DOCK4: variants seen among roughly 807,000 people sequenced by gnomAD.
DOCK4 encodes the protein dedicator of cytokinesis 4.
Under a neutral mutation model 268.1 loss-of-function variants are expected in DOCK4, and 97 were observed. The observed-to-expected ratio is 0.36, with a 90% CI of 0.31 to 0.43. The LOEUF is 0.43. Ranked by LOEUF, DOCK4 falls within the 20% of genes least tolerant of loss-of-function variation. The pLI is 1.00. For synonymous variants in DOCK4, 954 were observed against 887.2 expected (o/e 1.08, Z -1.34); for missense variants, 2,145 against 2,455.7 (o/e 0.87, Z 2.67).
At chr7:112,127,271 G>GA (rs748134763) in intron 1 of DOCK4, among the ~76,000 whole-genome samples, 67 of 151,924 alleles carry the variant, frequency 4.4e-4, no homozygotes, top group Non-Finnish European at 8.1e-4. Context: ...GGACATGGAT[G>GA]AAACTGGAAA....
intron 26 of DOCK4, 57 bp downstream of exon 26, chr7:111,834,531 A>G: frequency 7.6e-7 from 1 of 1,322,056 alleles, no homozygotes; most frequent in Non-Finnish European, 1.0e-6. Flanking sequence ...AGTGATGAAT[A>G]AAAACAAGAT....
At position 111,765,234 on chromosome 7, in the gene DOCK4, A is replaced by G; in HGVS notation, c.3916-12T>C. The G allele has an allele frequency of 2.8e-6, 4 of 1,443,812 alleles. No homozygotes were observed. Among genetic ancestry groups the G allele is most frequent in the Non-Finnish European group, 3.8e-6 (4 of 1,063,742 alleles). 89.4% of individuals were successfully genotyped at this position (1,443,812 alleles called of 1,614,324 possible). ...GAGGCTTCCATCATCTAGAAAGCAC[A>G]GGAAACATTCTAAGCATTTTATCTC... On this transcript the variant is annotated splice_polypyrimidine_tract_variant and intron_variant, in intron 38 of 52. Coordinates refer to ENST00000428084, the MANE Select transcript of DOCK4 (RefSeq NM_001363540.2).
rs780920369 is a variant in DOCK4 at position 111,728,437 on chromosome 7, G to C, written c.5765C>G (p.Pro1922Arg). 1.9e-6 allele frequency: 3 copies of C among 1,594,190 alleles called. No homozygotes were observed. The highest frequency in any genetic ancestry group is 2.6e-6 in the Non-Finnish European group (3 of 1,168,890). ...GGAGAGGCTGTGAGGTAGCGGGACG[G>C]GGCGCCGCAGAGTCCGCTCGTAGAC... ...YSVYERTLRR[P>R]VPLPHSLSIP... The change falls in exon 53 of 53, where the codon CCC becomes CGC. Residue 1922 changes from proline (P) to arginine (R), a missense_variant. Physicochemically the swap from Pro to Arg is moderately radical, Grantham distance 103. This residue lies in a region of DOCK4 where 547 missense variants were observed against 469.0 expected (regional missense o/e 1.17). Coordinates refer to ENST00000428084, the MANE Select transcript of DOCK4 (RefSeq NM_001363540.2).
At chr7:112,186,045 C>T (rs1376397612) in intron 1 of DOCK4, among the ~76,000 whole-genome samples, 1 of 152,320 alleles carries the variant, frequency 6.6e-6, no homozygotes, top group Non-Finnish European at 1.5e-5. Flanking sequence ...GAGTGCTGGG[C>T]TAGGCCAGGG....
At position 112,202,388 on chromosome 7, in the gene DOCK4, A is replaced by G. The variant is rs567132050; in HGVS notation, c.37+3714T>C. Among the ~76,000 whole-genome samples the G allele has an allele frequency of 3.9e-4, 59 of 152,312 alleles. No homozygotes were observed. The Middle Eastern group carries it at 0.014, about 35-fold the overall frequency. ...TGTTTTTATACAGCCATTCTAACAG[A>G]TGGGAGGTGATATCCACAGAATGGA... On this transcript the variant is annotated intron_variant, in intron 1 of 52. Transcript: ENST00000428084.
intron 8 of DOCK4, among the ~76,000 whole-genome samples, chr7:111,952,801 G>GGTCAT (rs1346646230): frequency 6.6e-6 from 1 of 151,938 alleles, no homozygotes; most frequent in Non-Finnish European, 1.5e-5. Context: ...ACATTTAGAC[G>GGTCAT]GTCATGTTCT....
At chr7:111,741,473 G>A (rs1055241415) in intron 46 of DOCK4, 67 bp downstream of exon 46, 8 of 1,576,084 alleles carry the variant, frequency 5.1e-6, no homozygotes, top group Non-Finnish European at 6.0e-6. Flanking sequence ...CATAAAGAAT[G>A]AGAGAACCAT....
chr7:111,774,103 T>C (rs1473549438), intron 36 of DOCK4, among the ~76,000 whole-genome samples: 2 of 152,124 alleles, frequency 1.3e-5, no homozygotes, highest in Non-Finnish European at 2.9e-5. Flanking sequence ...CATGCATGCA[T>C]GTACATACAC....
At chr7:111,977,891 C>CA (rs775152540) in intron 7 of DOCK4, among the ~76,000 whole-genome samples, 41 of 152,302 alleles carry the variant, frequency 2.7e-4, no homozygotes, top group Admixed American at 5.9e-4. Context: ...GTGTCTAAAG[C>CA]TAAGAATAGC....
chr7:112,186,191 G>A (rs1335823934), intron 1 of DOCK4, among the ~76,000 whole-genome samples: 1 of 152,244 alleles, frequency 6.6e-6, no homozygotes, highest in African/African-American at 2.4e-5. Flanking sequence ...TCCCAGTGGG[G>A]TTGCTTGGTT....
chr7:111,971,942 C>T (rs753815140), intron 8 of DOCK4: 17 of 167,544 alleles, frequency 1.0e-4, no homozygotes, highest in Admixed American at 2.4e-4. Context: ...TCTTGGCCTC[C>T]TGCTTTTTCA....
At chr7:112,069,580 A>T (rs1190702760) in intron 1 of DOCK4, among the ~76,000 whole-genome samples, 1 of 152,174 alleles carries the variant, frequency 6.6e-6, no homozygotes, top group Non-Finnish European at 1.5e-5. Context: ...ACTTAATGAA[A>T]TAACACATAT....
intron 12 of DOCK4, among the ~76,000 whole-genome samples, chr7:111,927,377 C>T (rs1181037847): frequency 1.3e-5 from 2 of 152,112 alleles, no homozygotes; most frequent in Non-Finnish European, 2.9e-5. Context: ...CACAGAATGT[C>T]AAATGAAAAG....
intron 1 of DOCK4, among the ~76,000 whole-genome samples, chr7:112,138,231 G>A (rs553203413): frequency 7.9e-5 from 12 of 152,052 alleles, no homozygotes; most frequent in Non-Finnish European, 1.6e-4. Flanking sequence ...CTTTAGTTGT[G>A]TCACCTTGAC....
chr7:111,762,757 G>GTTTTCTTTTTTTTT (rs1797503178), intron 39 of DOCK4, among the ~76,000 whole-genome samples: 1 of 55,012 alleles, frequency 1.8e-5, no homozygotes, highest in Non-Finnish European at 3.7e-5. Flanking sequence ...ATTTTGTTTT[G>GTTTTCTTTTTTTTT]TTTTCTTTTT....
rs184614342 is a variant in DOCK4 at position 112,105,945 on chromosome 7, C to G, written c.37+100157G>C. 5.5e-3 allele frequency among the ~76,000 whole-genome samples: 833 copies of G among 152,334 alleles called. 5 individuals carry two copies. The highest frequency in any genetic ancestry group is 0.014 in the Middle Eastern group (4 of 294). On this transcript the variant is annotated intron_variant, in intron 1 of 52. Coordinates refer to ENST00000428084, the MANE Select transcript of DOCK4 (RefSeq NM_001363540.2). ...GGCTCAAGCAATGCTCCTTCCTCAGCCTCCTAAAGTGCTGGGATCACAGGC... is the reference window on the plus strand; with the variant it reads ...GGCTCAAGCAATGCTCCTTCCTCAGGCTCCTAAAGTGCTGGGATCACAGGC...
chr7:112,120,545 A>G (rs995946809), intron 1 of DOCK4, among the ~76,000 whole-genome samples: 2 of 152,194 alleles, frequency 1.3e-5, no homozygotes, highest in South Asian at 2.1e-4. Flanking sequence ...GGACATATCT[A>G]GAAGAGGACA....
In DOCK4 at chr7:112,206,216, G is replaced by T; in HGVS notation, c.-78C>A. On this transcript the variant is annotated 5_prime_UTR_variant, in exon 1 of 53. Coordinates refer to ENST00000428084, the MANE Select transcript of DOCK4 (RefSeq NM_001363540.2). ...CGGCTCACAACAATGCACAGTCCCC[G>T]AGCAGCGCTGCAGTGCCGGAGCCCA... is the stretch of plus-strand genomic sequence containing the variant. The T allele has an allele frequency of 6.8e-7, 1 of 1,473,280 alleles. No individual in the cohort carries two copies. Among genetic ancestry groups the T allele is most frequent in the Non-Finnish European group, 9.3e-7 (1 of 1,077,068 alleles). 91.3% of individuals were successfully genotyped at this position (1,473,280 alleles called of 1,614,324 possible).
At chr7:111,959,622 A>G (rs1050910387) in intron 8 of DOCK4, among the ~76,000 whole-genome samples, 42 of 152,202 alleles carry the variant, frequency 2.8e-4, no homozygotes, top group African/African-American at 9.2e-4. Flanking sequence ...TCTGGGCCAA[A>G]TAACAATTCT....
Sources: gnomAD v4.1 joint callset for allele counts (sites outside exome capture counted in the v4.1 genomes callset) on GRCh38, gnomAD v4.1.1 for gene constraint, gnomAD v4.1.1 regional missense constraint, MANE v1.5 for transcripts, NCBI Gene and HGNC (gene_info 2026-07-23, HGNC 2026-07-21) for gene names.